The following DMAC2L variants were observed in gnomAD, a reference collection of about 807,000 sequenced individuals.
DMAC2L encodes the protein ATP synthase subunit s, mitochondrial.
DMAC2L carries 21 observed loss-of-function variants against 22.5 expected under a neutral mutation model. That is an observed-to-expected ratio of 0.93 (90% confidence interval 0.66 to 1.34). DMAC2L has a LOEUF of 1.34. Among genes scored for constraint, DMAC2L ranks in the 40% most tolerant of loss-of-function variants. The pLI, the probability that DMAC2L is intolerant of heterozygous loss-of-function variation, is 0.00. For missense variants in DMAC2L, 239 were observed against 246.5 expected (o/e 0.97, Z 0.20); for synonymous variants, 86 against 89.5 (o/e 0.96, Z 0.22).
rs146834259 is a variant in DMAC2L, at chr14:50,314,129, A to G, written c.-41-462A>G. On this transcript the variant is annotated intron_variant, in intron 1 of 5. Coordinates refer to ENST00000557421, the MANE Select transcript of DMAC2L (RefSeq NM_001382507.1). The stretch of plus-strand genomic sequence containing the variant: ...ATTGATATGGTTTGGCTGTGTCCCC[A>G]CCCAAATCTCATCTTGAATTGTAAC... Among the ~76,000 whole-genome samples the G allele has an allele frequency of 6.2e-3, 951 of 152,236 alleles. 11 individuals carry two copies. Among genetic ancestry groups the G allele is most frequent in the African/African-American group, 0.021 (891 of 41,520 alleles).
At position 50,326,130 on chromosome 14, in the gene DMAC2L, T is replaced by G. The variant is rs1190456815; in HGVS notation, c.*407T>G. The G allele has an allele frequency of 4.6e-6, 1 of 217,816 alleles. No individual in the cohort carries two copies. The highest frequency in any genetic ancestry group is 2.4e-5 in the African/African-American group (1 of 42,286). 13.5% of individuals were successfully genotyped at this position (217,816 alleles called of 1,614,324 possible). A position where few individuals can be genotyped will look rare whatever the true frequency, so the allele number is the denominator to read the frequency against. On this transcript the variant is annotated 3_prime_UTR_variant, in exon 6 of 6. Coordinates refer to ENST00000557421, the MANE Select transcript of DMAC2L (RefSeq NM_001382507.1). ...CTTTAATCCCAGCTACTCTGGAGGC[T>G]GAGGCAGGAGAATCACTTGACTTGG...
At chr14:50,319,434 C>T (rs1156663137) in intron 2 of DMAC2L, 7 of 1,358,320 alleles carry the variant, frequency 5.2e-6, no homozygotes, top group Admixed American at 2.3e-5. Context: ...AATTCCAGAA[C>T]CATGTAATGA....
intron 5 of DMAC2L, among the ~76,000 whole-genome samples, chr14:50,324,921 G>A (rs1595223417): frequency 2.0e-5 from 3 of 152,044 alleles, no homozygotes; most frequent in South Asian, 2.1e-4. Context: ...GATTAAAGGC[G>A]TGCACCACCA....
intron 1 of DMAC2L, among the ~76,000 whole-genome samples, chr14:50,313,635 G>A (rs992137598): frequency 6.6e-6 from 1 of 152,164 alleles, no homozygotes; most frequent in African/African-American, 2.4e-5. Context: ...GAGATTCTGT[G>A]TACCCTTTAC....
chr14:50,312,265 C>A, upstream of DMAC2L: 1 of 1,471,648 alleles, frequency 6.8e-7, no homozygotes, highest in South Asian at 1.2e-5. Context: ...AAGTGGCGCG[C>A]CTTCGCCCCA....
At chr14:50,316,373 T>A (rs1344859854) in intron 2 of DMAC2L, among the ~76,000 whole-genome samples, 1 of 152,266 alleles carries the variant, frequency 6.6e-6, no homozygotes, top group Non-Finnish European at 1.5e-5. Context: ...CTCTGCTGAC[T>A]GTTCCTTTTG....
chr14:50,323,948 G>T lies in DMAC2L; in HGVS notation c.320G>T (p.Gly107Val), dbSNP rs1418410982. 3 of 1,609,008 alleles carry T rather than the reference G, an allele frequency of 1.9e-6. No individual in the cohort carries two copies. Among genetic ancestry groups the T allele is most frequent in the Non-Finnish European group, 2.5e-6 (3 of 1,177,872 alleles). The change falls in exon 5 of 6, where the codon GGC becomes GTC. Residue 107 changes from glycine to valine, a missense_variant. Coordinates refer to ENST00000557421, the MANE Select transcript of DMAC2L (RefSeq NM_001382507.1). The stretch of plus-strand genomic sequence containing the variant: ...AATCTGTACTTTTTCTCCCCAGAGG[G>T]CCTAGAGCATGTTGAAAAAATAAGG... ...IMSIGFDHME[G>V]LEHVEKIRLC...
chr14:50,313,032 G>T, intron 1 of DMAC2L: 2 of 1,613,964 alleles, frequency 1.2e-6, no homozygotes, highest in East Asian at 2.2e-5. Flanking sequence ...TGTGCTGTGC[G>T]GTCTCTGAGC....
upstream of DMAC2L, chr14:50,312,202 C>T (rs1595170266): frequency 2.5e-6 from 4 of 1,599,924 alleles, no homozygotes; most frequent in Non-Finnish European, 3.4e-6. Flanking sequence ...ACTTGACCCT[C>T]CACGGCCGAG....
rs1214481427 is a variant in DMAC2L, at chr14:50,325,715, T to C, written c.595T>C (p.Leu199=). 13 of 1,609,664 alleles carry C rather than the reference T, an allele frequency of 8.1e-6. No individual in the cohort carries two copies. The highest frequency in any genetic ancestry group is 1.0e-5 in the Non-Finnish European group (12 of 1,178,278). ...ALPSLELKLQ[L]K is the part of the protein sequence containing the mutation. ...GCCTTCTCTGGAACTAAAATTACAATTGAAGTAAAATAATGTGTCTTATTT... is the reference window on the plus strand; with the variant it reads ...GCCTTCTCTGGAACTAAAATTACAACTGAAGTAAAATAATGTGTCTTATTT... The change falls in exon 6 of 6, where the codon TTG becomes CTG. Residue 199 remains leucine (L), a synonymous_variant. Transcript: ENST00000557421.
upstream of DMAC2L, chr14:50,311,963 C>T (rs1204577588): frequency 6.5e-7 from 1 of 1,540,640 alleles, no homozygotes; most frequent in Non-Finnish European, 8.7e-7. Context: ...CAGGTGCCTC[C>T]GCGAGGGGCA....
In DMAC2L at chr14:50,312,345, A is replaced by C. The variant is rs1367406091; in HGVS notation, c.-86A>C. On this transcript the variant is annotated 5_prime_UTR_variant, in exon 1 of 6. Coordinates refer to ENST00000557421, the MANE Select transcript of DMAC2L (RefSeq NM_001382507.1). Reference sequence around the variant, plus strand: ...CGAAGGGCCGGCCAGGGTGCCGCAGACGCGGGGACGCTGGCTCGCTCCCTC... The same window carrying C: ...CGAAGGGCCGGCCAGGGTGCCGCAGCCGCGGGGACGCTGGCTCGCTCCCTC... 7.1e-6 allele frequency: 5 copies of C among 708,126 alleles called. No individual in the cohort carries two copies. The highest frequency in any genetic ancestry group is 1.2e-5 in the Non-Finnish European group (5 of 432,650). 43.9% of individuals were successfully genotyped at this position (708,126 alleles called of 1,614,324 possible). A position where few individuals can be genotyped will look rare whatever the true frequency, so the allele number is the denominator to read the frequency against.
chr14:50,312,055 C>A, upstream of DMAC2L: 1 of 1,592,542 alleles, frequency 6.3e-7, no homozygotes, highest in South Asian at 1.1e-5. Context: ...GTCTTGGCCT[C>A]CCAGACGCGA....
In DMAC2L at chr14:50,322,529, C is replaced by A; in HGVS notation, c.126C>A (p.Ile42=). 1 of 1,612,356 alleles carries A rather than the reference C, an allele frequency of 6.2e-7. No individual in the cohort carries two copies. The highest frequency in any genetic ancestry group is 1.1e-5 in the South Asian group (1 of 91,000). The change falls in exon 4 of 6, where the codon ATC becomes ATA. Residue 42 remains isoleucine (I), a synonymous_variant. Coordinates refer to ENST00000557421, the MANE Select transcript of DMAC2L (RefSeq NM_001382507.1). ...AVFNKVDYDR[I]RDVGPDRAAS... ...CCAACAGGGTGGATTATGATCGCAT[C>A]AGGGATGTTGGCCCTGACAGGGCGG...
chr14:50,319,435 CATGTA>C, intron 2 of DMAC2L: 1 of 1,358,640 alleles, frequency 7.4e-7, no homozygotes, highest in East Asian at 2.5e-5. Context: ...ATTCCAGAAC[CATGTA>C]ATGATTGAGG....
intron 2 of DMAC2L, chr14:50,319,203 C>CT (rs1167039315): frequency 6.5e-7 from 1 of 1,535,848 alleles, no homozygotes. Context: ...GCAGAGAGCG[C>CT]TTTAACAAAA....
At chr14:50,313,883 C>G (rs959096974) in intron 1 of DMAC2L, among the ~76,000 whole-genome samples, 9 of 152,216 alleles carry the variant, frequency 5.9e-5, no homozygotes, top group Non-Finnish European at 1.2e-4. Context: ...ATAACCACAA[C>G]TTACCTTTGC....
chr14:50,322,384 A>ATACC lies in DMAC2L; in HGVS notation c.108-126_108-125insACCT, dbSNP rs60159969. 3.1e-6 allele frequency: 3 copies of ATACC among 975,638 alleles called. 1 individual carries two copies. The highest frequency in any genetic ancestry group is 1.1e-4 in the Admixed American group (2 of 18,146). The allele number at this position is 975,638 out of a possible 1,614,324, so 60.4% of individuals were successfully genotyped here. A position where few individuals can be genotyped will look rare whatever the true frequency, so the allele number is the denominator to read the frequency against. ...TGTTTTTTTTGCATGGATCTCACTA[A>ATACC]TTTATCTTCCTCGTCAGTCACTTGA... On this transcript the variant is annotated intron_variant, in intron 3 of 5. Coordinates refer to ENST00000557421, the MANE Select transcript of DMAC2L (RefSeq NM_001382507.1).
intron 2 of DMAC2L, among the ~76,000 whole-genome samples, 156 bp downstream of exon 2, chr14:50,314,782 T>C (rs1317053927): frequency 6.6e-6 from 1 of 151,946 alleles, no homozygotes; most frequent in African/African-American, 2.4e-5. Context: ...GCTGGGACTA[T>C]AGGCACATGC....
Sources: gnomAD v4.1 joint callset for allele counts (sites outside exome capture counted in the v4.1 genomes callset) on GRCh38, gnomAD v4.1.1 for gene constraint, MANE v1.5 for transcripts, NCBI Gene and HGNC (gene_info 2026-07-23, HGNC 2026-07-21) for gene names.